The following GPHN variants were observed in gnomAD, a reference collection of about 807,000 sequenced individuals.
GPHN encodes gephyrin.
Under a neutral mutation model 95.5 loss-of-function variants are expected in GPHN, and 17 were observed. The ratio of observed to expected loss-of-function variants is 0.18; its 90% CI spans 0.12 to 0.27. The LOEUF is 0.27. Among genes scored for constraint, GPHN ranks in the 10% least tolerant of loss-of-function variants. The pLI, the probability that GPHN is intolerant of heterozygous loss-of-function variation, is 1.00. For synonymous variants in GPHN, 320 were observed against 322.5 expected, an observed-to-expected ratio of 0.99 and a Z score of 0.08; for missense variants, 660 against 978.1, an observed-to-expected ratio of 0.67 and a Z score of 4.34.
At chr14:66,541,822 G>A (rs2059365382) in intron 1 of GPHN, among the ~76,000 whole-genome samples, 1 of 152,236 alleles carries the variant, frequency 6.6e-6, no homozygotes, top group Non-Finnish European at 1.5e-5. Flanking sequence ...GCTTGGTGCT[G>A]TCAGTACCAT....
At chr14:66,563,141 AG>A (rs1436205017) in intron 1 of GPHN, among the ~76,000 whole-genome samples, 1 of 152,144 alleles carries the variant, frequency 6.6e-6, no homozygotes, top group Non-Finnish European at 1.5e-5. Flanking sequence ...TTATGAAATA[AG>A]TTTTAATGCT....
the GPHN span, chr14:67,674,294 G>T: frequency 7.5e-7 from 1 of 1,328,608 alleles, no homozygotes; most frequent in Non-Finnish European, 1.0e-6. Context: ...GCGGGCCCGG[G>T]TCTGGGAGGA....
the GPHN span, chr14:67,380,576 A>G: frequency 1.6e-6 from 1 of 615,980 alleles, no homozygotes; most frequent in Non-Finnish European, 2.6e-6. Context: ...TAACTATTAT[A>G]TGCATTGTTC....
the GPHN span, among the ~76,000 whole-genome samples, chr14:67,680,356 A>C: frequency 6.6e-6 from 1 of 152,154 alleles, no homozygotes; most frequent in African/African-American, 2.4e-5. Context: ...TGCATCCTCC[A>C]CTGCACTGTG....
At chr14:67,320,135 C>A in the GPHN span, 5 of 1,160,582 alleles carry the variant, frequency 4.3e-6, no homozygotes, top group East Asian at 7.9e-5. Flanking sequence ...ATAAATTGTG[C>A]TTTTGTCTAA....
At chr14:66,509,809 G>C (rs2057967432) in intron 1 of GPHN, among the ~76,000 whole-genome samples, 2 of 152,028 alleles carry the variant, frequency 1.3e-5, no homozygotes, top group African/African-American at 4.8e-5. Flanking sequence ...TGCTCGAGAA[G>C]GGACTAAATT....
At chr14:66,745,812 AAAT>A (rs542340166) in intron 2 of GPHN, among the ~76,000 whole-genome samples, 23 of 151,986 alleles carry the variant, frequency 1.5e-4, no homozygotes, top group Non-Finnish European at 2.7e-4. Context: ...TAATTTTTAA[AAAT>A]AATAATAATA....
chr14:67,571,219 G>A, the GPHN span: 1 of 158,840 alleles, frequency 6.3e-6, no homozygotes, highest in Middle Eastern at 3.1e-3. Context: ...GAGTTCTAGA[G>A]GTGGGATTTC....
the GPHN span, chr14:67,359,534 G>T: frequency 1.1e-5 from 12 of 1,112,638 alleles, no homozygotes; most frequent in Admixed American, 2.4e-5. Context: ...CTCAAGAAAA[G>T]AACCTGGGAA....
chr14:66,845,579 A>C (rs1360406948), intron 4 of GPHN, among the ~76,000 whole-genome samples: 1 of 152,076 alleles, frequency 6.6e-6, no homozygotes, highest in South Asian at 2.1e-4. Context: ...TAGAGGAGAG[A>C]GGTAGGCATT....
At chr14:67,314,390 G>A in the GPHN span, among the ~76,000 whole-genome samples, 1 of 152,174 alleles carries the variant, frequency 6.6e-6, no homozygotes, top group Admixed American at 6.5e-5. Flanking sequence ...TAAGGTCACA[G>A]AAAGCTTCAA....
At chr14:67,566,954 A>G in the GPHN span, among the ~76,000 whole-genome samples, 1 of 152,132 alleles carries the variant, frequency 6.6e-6, no homozygotes, top group South Asian at 2.1e-4. Flanking sequence ...GGATTAAGGT[A>G]TTAAGGGGCA....
At chr14:66,826,489 C>T (rs781777773) in intron 4 of GPHN, among the ~76,000 whole-genome samples, 3 of 152,180 alleles carry the variant, frequency 2.0e-5, no homozygotes, top group Admixed American at 6.5e-5. Flanking sequence ...ATTGCCTTCA[C>T]GTCACATGCC....
At chr14:67,317,349 A>C in the GPHN span, 12 of 1,372,960 alleles carry the variant, frequency 8.7e-6, no homozygotes, top group Non-Finnish European at 1.2e-5. Flanking sequence ...CTTCAATTTG[A>C]GTTATGTGGT....
chr14:67,517,943 A>G, the GPHN span, among the ~76,000 whole-genome samples: 16 of 152,356 alleles, frequency 1.1e-4, no homozygotes, highest in East Asian at 2.9e-3. Context: ...CACAGGGTAG[A>G]GCAGTCTGCT....
At chr14:67,593,014 C>T in the GPHN span, among the ~76,000 whole-genome samples, 13 of 152,224 alleles carry the variant, frequency 8.5e-5, no homozygotes, top group Admixed American at 7.2e-4. Flanking sequence ...CTGGAACTCC[C>T]GACCTTAGGT....
chr14:66,654,587 T>C (rs2153368212), intron 1 of GPHN, among the ~76,000 whole-genome samples: 1 of 152,294 alleles, frequency 6.6e-6, no homozygotes, highest in South Asian at 2.1e-4. Context: ...TTGCAAAATG[T>C]TCTTGTTTCG....
chr14:67,658,443 A>G, the GPHN span, among the ~76,000 whole-genome samples: 1 of 152,100 alleles, frequency 6.6e-6, no homozygotes, highest in East Asian at 1.9e-4. Flanking sequence ...AAGTACAAAA[A>G]AAAATTAGCC....
At chr14:67,551,276 A>C in the GPHN span, among the ~76,000 whole-genome samples, 1 of 152,192 alleles carries the variant, frequency 6.6e-6, no homozygotes, top group East Asian at 1.9e-4. Context: ...CTGAGACAAC[A>C]GGTGAGCATC....
Sources: allele counts gnomAD v4.1 joint callset (sites outside exome capture counted in the v4.1 genomes callset), GRCh38; gene constraint gnomAD v4.1.1; transcripts MANE v1.5; gene names NCBI Gene and HGNC (gene_info 2026-07-23, HGNC 2026-07-21).